Variants in PRUNE2 observed in about 807,000 individuals in gnomAD.
PRUNE2 encodes prune homolog 2 with BCH domain.
PRUNE2 carries 164 observed loss-of-function variants against 252.0 expected under a neutral mutation model. The observed-to-expected ratio is 0.65, with a 90% confidence interval of 0.57 to 0.74. PRUNE2 has a LOEUF of 0.74. Ranked by LOEUF, PRUNE2 falls within the 30% of genes least tolerant of loss-of-function variation. The pLI is 0.00. For missense variants in PRUNE2, 3,495 were observed against 3,711.0 expected, an observed-to-expected ratio of 0.94 and a Z score of 1.51; for synonymous variants, 1,292 against 1,350.2, an observed-to-expected ratio of 0.96 and a Z score of 0.94.
chr9:76,809,929 T>A (rs13293464), intron 6 of PRUNE2, among the ~76,000 whole-genome samples: 8 of 152,188 alleles, frequency 5.3e-5, no homozygotes, highest in African/African-American at 1.7e-4. Flanking sequence ...ACTGGTCAGA[T>A]TGGCTGTAGA....
At chr9:76,863,689 T>C (rs1461683323) in intron 1 of PRUNE2, among the ~76,000 whole-genome samples, 3 of 152,236 alleles carry the variant, frequency 2.0e-5, no homozygotes, top group African/African-American at 7.2e-5. Flanking sequence ...CTACCTACTT[T>C]GCTTCCTGAA....
intron 17 of PRUNE2, among the ~76,000 whole-genome samples, chr9:76,622,346 A>C (rs1178651736): frequency 2.6e-5 from 4 of 152,116 alleles, no homozygotes; most frequent in Non-Finnish European, 5.9e-5. Context: ...AAAACTACCC[A>C]AAAACAATAA....
intron 6 of PRUNE2, among the ~76,000 whole-genome samples, chr9:76,772,641 G>C (rs969866317): frequency 2.0e-5 from 3 of 152,102 alleles, no homozygotes; most frequent in African/African-American, 7.2e-5. Context: ...ACAGTTCACT[G>C]TAGCCTTGGC....
chr9:76,731,163 G>T (rs2048532466), intron 6 of PRUNE2, among the ~76,000 whole-genome samples: 1 of 151,754 alleles, frequency 6.6e-6, no homozygotes, highest in Non-Finnish European at 1.5e-5. Flanking sequence ...TATGAAAAAT[G>T]AAAAAGATAT....
At position 76,706,007 on chromosome 9, in the gene PRUNE2, G is replaced by C. The variant is rs771107566; in HGVS notation, c.6267C>G (p.Ile2089Met). ...SLKADGENPD[I>M]LTHCEHDSNS... is the part of the protein sequence containing the mutation. ...TGCTGTCATGTTCGCAGTGCGTCAG[G>C]ATATCAGGATTCTCACCATCTGCTT... The change falls in exon 8 of 19, where the codon ATC becomes ATG. Residue 2089 changes from isoleucine (I) to methionine (M), a missense_variant. Physicochemically the swap from Ile to Met is conservative, Grantham distance 10. Coordinates refer to ENST00000376718, the MANE Select transcript of PRUNE2 (RefSeq NM_015225.3). 3 of 1,614,004 alleles carry C rather than the reference G, an allele frequency of 1.9e-6. No individual in the cohort carries two copies. The highest frequency in any genetic ancestry group is 2.5e-6 in the Non-Finnish European group (3 of 1,179,896).
chr9:76,882,228 G>A (rs2061831334), intron 1 of PRUNE2, among the ~76,000 whole-genome samples: 2 of 151,948 alleles, frequency 1.3e-5, no homozygotes, highest in South Asian at 2.1e-4. Flanking sequence ...TGATTATAGG[G>A]TAAGTCCATG....
intron 8 of PRUNE2, 136 bp from the exon 9 acceptor site, chr9:76,704,235 ATT>A (rs2046136243): frequency 2.6e-5 from 11 of 429,104 alleles, no homozygotes; most frequent in African/African-American, 2.1e-4. Flanking sequence ...TTATTCATTC[ATT>A]CATTTGAGAC....
chr9:76,733,253 T>C (rs1163424636), intron 6 of PRUNE2, among the ~76,000 whole-genome samples: 3 of 152,194 alleles, frequency 2.0e-5, no homozygotes, highest in Admixed American at 1.3e-4. Flanking sequence ...GAAGTGCTAC[T>C]GCACATCAAC....
intron 6 of PRUNE2, among the ~76,000 whole-genome samples, chr9:76,722,703 C>T (rs2047750997): frequency 1.3e-5 from 2 of 152,084 alleles, no homozygotes; most frequent in African/African-American, 2.4e-5. Flanking sequence ...CTTTAAGATG[C>T]CCCTGTGAGA....
chr9:76,761,085 C>CA (rs34127776), intron 6 of PRUNE2, among the ~76,000 whole-genome samples: 314 of 93,588 alleles, frequency 3.4e-3, no homozygotes, highest in East Asian at 0.031. Flanking sequence ...GACTCTGTCT[C>CA]AAAAAAAAAA....
chr9:76,671,966 C>T (rs1192455894), intron 9 of PRUNE2, among the ~76,000 whole-genome samples: 2 of 151,732 alleles, frequency 1.3e-5, no homozygotes, highest in East Asian at 1.9e-4. Flanking sequence ...ATGTAAAGAC[C>T]ATCGAGACTA....
chr9:76,902,160 T>A (rs907831540), intron 1 of PRUNE2, among the ~76,000 whole-genome samples: 1 of 152,130 alleles, frequency 6.6e-6, no homozygotes, highest in Non-Finnish European at 1.5e-5. Flanking sequence ...GTACTTCATT[T>A]TTTCCCCCCA....
At chr9:76,747,060 G>A (rs1384031985) in intron 6 of PRUNE2, among the ~76,000 whole-genome samples, 42 of 152,210 alleles carry the variant, frequency 2.8e-4, no homozygotes, top group Non-Finnish European at 1.5e-5. Flanking sequence ...GAAGTAGGAG[G>A]TGGTCTTGTA....
At chr9:76,630,563 C>T (rs574853923) in intron 15 of PRUNE2, among the ~76,000 whole-genome samples, 19 of 152,284 alleles carry the variant, frequency 1.2e-4, no homozygotes, top group African/African-American at 4.6e-4. Context: ...CTCGCTCTGT[C>T]GCCCAGGCTG....
chr9:76,755,856 C>T (rs75423690), intron 6 of PRUNE2, among the ~76,000 whole-genome samples: 1 of 152,094 alleles, frequency 6.6e-6, no homozygotes, highest in Non-Finnish European at 1.5e-5. Context: ...TGCACGCCAC[C>T]ACGCCCCGGT....
In PRUNE2 at chr9:76,708,263, C is replaced by T. The variant is rs781223303; in HGVS notation, c.4011G>A (p.Gly1337=). 1 of 1,613,772 alleles carries T rather than the reference C, an allele frequency of 6.2e-7. No homozygotes were observed. Among genetic ancestry groups the T allele is most frequent in the Non-Finnish European group, 8.5e-7 (1 of 1,179,862 alleles). Residue 1337 remains glycine, a synonymous_variant, in exon 8 of 19, where the codon GGG becomes GGA. Coordinates refer to ENST00000376718, the MANE Select transcript of PRUNE2 (RefSeq NM_015225.3). Reference sequence around the variant, plus strand: ...CGATCACCTCCTCTTCATCAAGGTGCCCCCTGTCAGTGGCTCCCTGGGCTT... The same window carrying T: ...CGATCACCTCCTCTTCATCAAGGTGTCCCCTGTCAGTGGCTCCCTGGGCTT... ...EKEAQGATDR[G]HLDEEEVIAS...
intron 9 of PRUNE2, chr9:76,692,137 A>G: frequency 4.2e-6 from 3 of 717,434 alleles, no homozygotes; most frequent in Non-Finnish European, 5.2e-6. Flanking sequence ...ACAGCTCTTC[A>G]GCATCTCTCT....
chr9:76,753,115 C>T (rs1193439886), intron 6 of PRUNE2, among the ~76,000 whole-genome samples: 1 of 152,080 alleles, frequency 6.6e-6, no homozygotes, highest in Non-Finnish European at 1.5e-5. Context: ...CTAGAGTCTC[C>T]ACCTCCTGGG....
chr9:76,650,084 G>A (rs1406088547), intron 11 of PRUNE2, among the ~76,000 whole-genome samples: 4 of 152,048 alleles, frequency 2.6e-5, no homozygotes, highest in Admixed American at 6.6e-5. Flanking sequence ...CATATTCACT[G>A]GGAAGCAGCA....
Sources: gnomAD v4.1 joint callset for allele counts (sites outside exome capture counted in the v4.1 genomes callset) on GRCh38, gnomAD v4.1.1 for gene constraint, MANE v1.5 for transcripts, NCBI Gene and HGNC (gene_info 2026-07-23, HGNC 2026-07-21) for gene names.